The following BCR variants were observed in gnomAD, a reference collection of about 807,000 sequenced individuals.
The protein encoded by BCR is BCR activator of RhoGEF and GTPase.
In BCR, 58 loss-of-function variants were observed where a neutral mutation model predicts 138.6. The observed-to-expected ratio is 0.42, with a 90% CI of 0.34 to 0.52. BCR has a LOEUF of 0.52. Among genes scored for constraint, BCR ranks in the 20% least tolerant of loss-of-function variants. The pLI is 0.06. For synonymous variants in BCR, 786 were observed against 730.1 expected (o/e 1.08, Z -1.23); for missense variants, 1,599 against 1,727.2 (o/e 0.93, Z 1.32).
rs2074064552 is a variant in BCR, at chr22:23,315,710, G to GC, written c.*192dup. ...GGAAAGATCCCGCCCAGGTCTGGGA[G>GC]CCCCAGGCTGGCCTCAGACTGTGGT... is the stretch of plus-strand genomic sequence containing the variant. On this transcript the variant is annotated 3_prime_UTR_variant, in exon 23 of 23. Coordinates refer to ENST00000305877, the MANE Select transcript of BCR (RefSeq NM_004327.4). The GC allele has an allele frequency of 1.5e-6, 1 of 685,642 alleles. No individual in the cohort carries two copies. The highest frequency in any genetic ancestry group is 1.5e-5 in the South Asian group (1 of 66,238). The allele number at this position is 685,642 out of a possible 1,614,324, so 42.5% of individuals were successfully genotyped here. A position where few individuals can be genotyped will look rare whatever the true frequency, so the allele number is the denominator to read the frequency against.
intron 1 of BCR, among the ~76,000 whole-genome samples, chr22:23,192,096 G>A (rs978638174): frequency 1.3e-5 from 2 of 152,186 alleles, no homozygotes; most frequent in Non-Finnish European, 2.9e-5. Context: ...CCTGGGGCTG[G>A]GGTGTGAAGA....
At chr22:23,255,076 A>T (rs2073277665) in intron 2 of BCR, among the ~76,000 whole-genome samples, 1 of 152,160 alleles carries the variant, frequency 6.6e-6, no homozygotes, top group South Asian at 2.1e-4. Context: ...AGAGAGATGG[A>T]CTTTTCCCCA....
At chr22:23,207,180 T>C (rs1941374632) in intron 1 of BCR, among the ~76,000 whole-genome samples, 1 of 152,156 alleles carries the variant, frequency 6.6e-6, no homozygotes, top group Non-Finnish European at 1.5e-5. Context: ...AGGCCTTGAC[T>C]TTGTCCTTGA....
At chr22:23,201,296 T>C (rs905131153) in intron 1 of BCR, among the ~76,000 whole-genome samples, 3 of 152,186 alleles carry the variant, frequency 2.0e-5, no homozygotes, top group African/African-American at 7.2e-5. Context: ...GGTTCTCTTC[T>C]AAGCTCACCT....
chr22:23,203,472 A>G (rs1386170541), intron 1 of BCR, among the ~76,000 whole-genome samples: 1 of 152,202 alleles, frequency 6.6e-6, no homozygotes, highest in African/African-American at 2.4e-5. Context: ...ATTCCAGAGA[A>G]GCAGAATCTG....
chr22:23,224,914 C>G (rs1454426892), intron 1 of BCR, among the ~76,000 whole-genome samples: 2 of 151,962 alleles, frequency 1.3e-5, no homozygotes, highest in African/African-American at 4.8e-5. Context: ...CAGAGTGGCC[C>G]CCTGCAGGCC....
chr22:23,310,845 T>A (rs2073999336), intron 18 of BCR, among the ~76,000 whole-genome samples: 1 of 151,892 alleles, frequency 6.6e-6, no homozygotes, highest in African/African-American at 2.4e-5. Flanking sequence ...CAGGATGGAA[T>A]CTGGCTGGGC....
intron 1 of BCR, among the ~76,000 whole-genome samples, chr22:23,222,226 C>G (rs1204290998): frequency 1.3e-5 from 2 of 152,178 alleles, no homozygotes; most frequent in Non-Finnish European, 2.9e-5. Flanking sequence ...GTGCCTAAAA[C>G]AATGCCAGCA....
At chr22:23,191,256 C>T (rs1176299761) in intron 1 of BCR, among the ~76,000 whole-genome samples, 1 of 152,210 alleles carries the variant, frequency 6.6e-6, no homozygotes, top group Non-Finnish European at 1.5e-5. Flanking sequence ...ATTAACACAA[C>T]TTTTTCCATC....
rs2072252081 is a variant in BCR at position 23,181,257 on chromosome 22, A to G, written c.297A>G (p.Pro99=). The change falls in exon 1 of 23, where the codon CCA becomes CCG. Residue 99 remains proline, a synonymous_variant. Coordinates refer to ENST00000305877, the MANE Select transcript of BCR (RefSeq NM_004327.4). ...EPRASASRPQ[P]APADGADPPP... ...GAGCGTCCGCGTCGCGCCCGCAGCC[A>G]GCGCCCGCCGACGGAGCCGACCCGC... 8.0e-7 allele frequency: 1 copy of G among 1,248,028 alleles called. No homozygotes were observed. Among genetic ancestry groups the G allele is most frequent in the Non-Finnish European group, 1.0e-6 (1 of 989,890 alleles). The allele number at this position is 1,248,028 out of a possible 1,614,324, so 77.3% of individuals were successfully genotyped here.
intron 4 of BCR, chr22:23,263,020 A>C: frequency 1.3e-6 from 1 of 779,890 alleles, no homozygotes; most frequent in African/African-American, 1.8e-5. Context: ...CAAGGAAGAA[A>C]GTATGGGAAG....
intron 2 of BCR, among the ~76,000 whole-genome samples, chr22:23,259,772 C>T (rs1318553876): frequency 2.0e-5 from 3 of 152,154 alleles, no homozygotes; most frequent in African/African-American, 2.4e-5. Flanking sequence ...CTGCCCGCCT[C>T]GGCCTCCCAA....
intron 6 of BCR, 43 bp downstream of exon 6, chr22:23,271,635 A>T: frequency 6.3e-7 from 1 of 1,596,420 alleles, no homozygotes; most frequent in Admixed American, 1.7e-5. Flanking sequence ...CTCGTCAGGG[A>T]GGCTGCTGCT....
intron 8 of BCR, among the ~76,000 whole-genome samples, chr22:23,278,357 C>T (rs1309182620): frequency 6.6e-6 from 1 of 152,198 alleles, no homozygotes; most frequent in Non-Finnish European, 1.5e-5. Context: ...GGAAGTACCA[C>T]CAGTGCAGGC....
At chr22:23,232,908 G>C (rs1189928611) in intron 1 of BCR, among the ~76,000 whole-genome samples, 1 of 152,228 alleles carries the variant, frequency 6.6e-6, no homozygotes, top group Non-Finnish European at 1.5e-5. Flanking sequence ...AGGCTTTGTT[G>C]GGTAAATGCA....
intron 1 of BCR, among the ~76,000 whole-genome samples, chr22:23,235,070 C>T (rs1485987473): frequency 7.0e-6 from 1 of 143,858 alleles, no homozygotes; most frequent in Non-Finnish European, 1.6e-5. Flanking sequence ...CATTTCACCT[C>T]CTGGGTCTTC....
intron 16 of BCR, among the ~76,000 whole-genome samples, chr22:23,301,596 C>G (rs1244584609): frequency 1.3e-5 from 2 of 152,258 alleles, no homozygotes; most frequent in East Asian, 3.8e-4. Flanking sequence ...GAAGGCTTCT[C>G]TGTCCCGTGA....
intron 1 of BCR, among the ~76,000 whole-genome samples, chr22:23,187,278 CTT>C (rs3055923): frequency 0.26 from 29,225 of 113,812 alleles, 3,077 homozygotes; most frequent in East Asian, 0.38. Context: ...GCTTAAAATA[CTT>C]TTTTTTTTTT....
chr22:23,273,192 A>G (rs1189204142), intron 7 of BCR, 59 bp downstream of exon 7: 1 of 1,561,512 alleles, frequency 6.4e-7, no homozygotes, highest in Admixed American at 1.7e-5. Context: ...CACACACAGC[A>G]ACAATGTTCT....
Sources: allele counts gnomAD v4.1 joint callset (sites outside exome capture counted in the v4.1 genomes callset), GRCh38; gene constraint gnomAD v4.1.1; transcripts MANE v1.5; gene names NCBI Gene and HGNC (gene_info 2026-07-23, HGNC 2026-07-21).